The following KLF17 variants were observed in gnomAD, a reference collection of about 807,000 sequenced individuals.
KLF17 encodes Krueppel-like factor 17.
In KLF17, 31 loss-of-function variants were observed where a neutral mutation model predicts 34.2. The ratio of observed to expected loss-of-function variants is 0.91; its 90% CI spans 0.68 to 1.22. KLF17 has a LOEUF of 1.22. Among genes scored for constraint, KLF17 ranks in the 50% most tolerant of loss-of-function variants. The pLI is 0.00. For synonymous variants in KLF17, 179 were observed against 186.7 expected (o/e 0.96, Z 0.34); for missense variants, 478 against 505.2 (o/e 0.95, Z 0.52).
the KLF17 span, among the ~76,000 whole-genome samples, chr1:44,073,008 A>G: frequency 2.0e-5 from 3 of 152,202 alleles, no homozygotes; most frequent in East Asian, 3.8e-4. Context: ...GAAGGTCATT[A>G]ATGATGGTGA....
the KLF17 span, among the ~76,000 whole-genome samples, chr1:44,058,354 G>T: frequency 6.6e-6 from 1 of 152,022 alleles, no homozygotes; most frequent in East Asian, 1.9e-4. Flanking sequence ...GCAGTGGCAC[G>T]ATCTCGGCTC....
chr1:44,066,691 C>T, the KLF17 span, among the ~76,000 whole-genome samples: 1 of 152,272 alleles, frequency 6.6e-6, no homozygotes, highest in East Asian at 1.9e-4. Context: ...GAAATTCTTG[C>T]ACAGGTACAT....
chr1:44,122,622 TCTCA>T (rs2087961762), intron 1 of KLF17: 1 of 651,210 alleles, frequency 1.5e-6, no homozygotes, highest in East Asian at 2.7e-5. Flanking sequence ...TGAGATAGAG[TCTCA>T]CTCTCTCCCC....
rs934300225 is a variant in KLF17 at position 44,122,302 on chromosome 1, G to A, written c.81+3314G>A. 1.9e-5 allele frequency: 31 copies of A among 1,601,136 alleles called. No homozygotes were observed. The African/African-American group carries it at 3.5e-4, about 18-fold the overall frequency. ...AGTGTATCCAGAGGTAAACTGTCTA[G>A]TAGAATAAAATACCGAATGTTATTT... On this transcript the variant is annotated intron_variant, in intron 1 of 3. Coordinates refer to ENST00000372299, the MANE Select transcript of KLF17 (RefSeq NM_173484.4).
chr1:44,096,718 A>T, the KLF17 span, among the ~76,000 whole-genome samples: 49,311 of 151,774 alleles, frequency 0.32, 8,163 homozygotes, highest in South Asian at 0.38. Flanking sequence ...TTAAAAAAAA[A>T]TTTTTTTAAT....
At chr1:44,124,719 C>T (rs12726459) in intron 1 of KLF17, among the ~76,000 whole-genome samples, 15,421 of 152,082 alleles carry the variant, frequency 0.1, 1,081 homozygotes, top group Non-Finnish European at 0.15. Flanking sequence ...TTGTCTCGAA[C>T]TCCTGACCTC....
At chr1:44,044,058 C>T in the KLF17 span, 3 of 152,856 alleles carry the variant, frequency 2.0e-5, no homozygotes, top group East Asian at 5.8e-4. Flanking sequence ...GGCCTGTTCT[C>T]TGTGTATTTC....
At chr1:44,131,482 G>T (rs1241695979) in intron 3 of KLF17, among the ~76,000 whole-genome samples, 1 of 152,100 alleles carries the variant, frequency 6.6e-6, no homozygotes, top group Non-Finnish European at 1.5e-5. Flanking sequence ...AAAGTTCTTG[G>T]ATCACTATGC....
chr1:44,119,565 T>TGAA (rs747559848), intron 1 of KLF17, among the ~76,000 whole-genome samples: 1 of 152,158 alleles, frequency 6.6e-6, no homozygotes, highest in Admixed American at 6.5e-5. Flanking sequence ...CAGCGTTACA[T>TGAA]GAAGAAGAAG....
At chr1:44,048,536 C>A in the KLF17 span, 3 of 152,200 alleles carry the variant, frequency 2.0e-5, no homozygotes, top group Non-Finnish European at 4.4e-5. Context: ...GGAGAAGGTA[C>A]TGCACTCTTT....
the KLF17 span, among the ~76,000 whole-genome samples, chr1:44,074,009 GC>G: frequency 3.9e-5 from 6 of 151,938 alleles, no homozygotes; most frequent in Non-Finnish European, 5.9e-5. Flanking sequence ...CGCAGTAGCT[GC>G]CCCCCCAACA....
chr1:44,102,604 ACACAC>A, the KLF17 span, among the ~76,000 whole-genome samples: 3 of 133,396 alleles, frequency 2.2e-5, no homozygotes, highest in Admixed American at 7.8e-5. Context: ...ACACACACAC[ACACAC>A]ACACAGAAAA....
the KLF17 span, among the ~76,000 whole-genome samples, chr1:44,065,411 T>G: frequency 1.4e-5 from 2 of 144,800 alleles, no homozygotes; most frequent in Non-Finnish European, 3.0e-5. Flanking sequence ...CTTGGTTTTT[T>G]TTTTTTTTTT....
At chr1:44,122,422 C>A in intron 1 of KLF17, 2 of 1,485,684 alleles carry the variant, frequency 1.3e-6, no homozygotes, top group Non-Finnish European at 9.4e-7. Flanking sequence ...ACATCCACAC[C>A]TGTGACTGTT....
the KLF17 span, among the ~76,000 whole-genome samples, chr1:44,072,382 T>G: frequency 6.6e-6 from 1 of 152,106 alleles, no homozygotes; most frequent in Non-Finnish European, 1.5e-5. Flanking sequence ...CATCAGTGTG[T>G]GGGTGGTATT....
At chr1:44,102,559 T>TACAC in the KLF17 span, among the ~76,000 whole-genome samples, 21 of 87,716 alleles carry the variant, frequency 2.4e-4, no homozygotes, top group East Asian at 6.4e-4. Flanking sequence ...ATCACACACA[T>TACAC]ACACATACAC....
intron 3 of KLF17, among the ~76,000 whole-genome samples, chr1:44,132,101 C>T (rs2088117521): frequency 6.6e-6 from 1 of 151,908 alleles, no homozygotes; most frequent in Admixed American, 6.6e-5. Flanking sequence ...GGTCAGGAGT[C>T]TTGAGACTAG....
the KLF17 span, among the ~76,000 whole-genome samples, chr1:44,087,569 CTTCTAATT>C: frequency 6.6e-6 from 1 of 151,130 alleles, no homozygotes; most frequent in African/African-American, 2.4e-5. Flanking sequence ...CGACTATTTT[CTTCTAATT>C]TTAGAAGCTG....
the KLF17 span, among the ~76,000 whole-genome samples, chr1:44,099,886 AAAGAAAG>A: frequency 1.5e-5 from 1 of 67,504 alleles, no homozygotes; most frequent in African/African-American, 4.5e-5. Flanking sequence ...AGAAAGAAAG[AAAGAAAG>A]AAAGAAAGAA....
Sources: gnomAD v4.1 joint callset for allele counts (sites outside exome capture counted in the v4.1 genomes callset) on GRCh38, gnomAD v4.1.1 for gene constraint, MANE v1.5 for transcripts, NCBI Gene and HGNC (gene_info 2026-07-23, HGNC 2026-07-21) for gene names.